MCHR2: variants seen among roughly 807,000 people sequenced by gnomAD.
MCHR2 encodes melanin concentrating hormone receptor 2.
In MCHR2, 15 loss-of-function variants were observed where a neutral mutation model predicts 24.8. The ratio of observed to expected loss-of-function variants is 0.60; its 90% CI spans 0.40 to 0.93. MCHR2 has a LOEUF of 0.93. MCHR2 is among the 40% of genes least tolerant of loss of function. MCHR2 has a pLI of 0.00. For missense variants in MCHR2, 386 were observed against 408.7 expected, an observed-to-expected ratio of 0.94 and a Z score of 0.48; for synonymous variants, 151 against 147.6, an observed-to-expected ratio of 1.02 and a Z score of -0.17.
chr6:99,940,712 G>A (rs1452416469), intron 4 of MCHR2, among the ~76,000 whole-genome samples: 1 of 151,382 alleles, frequency 6.6e-6, no homozygotes, highest in Non-Finnish European at 1.5e-5. Context: ...TCCTGTATTT[G>A]CTTAGAGAGT....
intron 1 of MCHR2, among the ~76,000 whole-genome samples, chr6:99,978,972 G>T (rs2397683): frequency 0.27 from 40,492 of 151,992 alleles, 6,380 homozygotes; most frequent in East Asian, 0.75. Flanking sequence ...GGAATAAGCA[G>T]GTCTTCTGGT....
intron 5 of MCHR2, among the ~76,000 whole-genome samples, chr6:99,923,375 C>A (rs1477083442): frequency 6.6e-6 from 1 of 151,970 alleles, no homozygotes; most frequent in Admixed American, 6.6e-5. Flanking sequence ...ATTCGGATGT[C>A]CTTTATTTCT....
Position 99,929,494 on chromosome 6 carries a change from A to C in MCHR2, c.707+4904T>G, listed in dbSNP as rs561276860. Among the ~76,000 whole-genome samples the C allele has an allele frequency of 3.9e-5, 6 of 152,272 alleles. No individual in the cohort carries two copies. In the South Asian group the frequency reaches 1.2e-3, roughly 32 times the overall value. On this transcript the variant is annotated intron_variant, in intron 5 of 5. Transcript: ENST00000281806. ...GTCTAAGTCTCTTTTTAGGTCACTCAGGACTTGCTTTATGAATCTGGGTGC... is the reference window on the plus strand; with the variant it reads ...GTCTAAGTCTCTTTTTAGGTCACTCCGGACTTGCTTTATGAATCTGGGTGC...
intron 1 of MCHR2, among the ~76,000 whole-genome samples, chr6:99,978,220 G>A (rs1445997448): frequency 6.6e-6 from 1 of 152,102 alleles, no homozygotes; most frequent in Non-Finnish European, 1.5e-5. Context: ...TAATTTAACT[G>A]AGAATGTAGA....
At chr6:99,953,487 T>A (rs1249078703) in intron 2 of MCHR2, among the ~76,000 whole-genome samples, 1 of 152,082 alleles carries the variant, frequency 6.6e-6, no homozygotes, top group Non-Finnish European at 1.5e-5. Flanking sequence ...GGCTATTAAC[T>A]CTCTACTCAG....
At chr6:99,990,169 A>G (rs1428276108) in intron 1 of MCHR2, among the ~76,000 whole-genome samples, 2 of 152,208 alleles carry the variant, frequency 1.3e-5, no homozygotes, top group Non-Finnish European at 2.9e-5. Flanking sequence ...ACAAGGTGGG[A>G]CCCAGGTGAT....
chr6:99,971,056 G>T (rs1444366189), intron 1 of MCHR2, among the ~76,000 whole-genome samples: 1 of 152,074 alleles, frequency 6.6e-6, no homozygotes, highest in Non-Finnish European at 1.5e-5. Flanking sequence ...CTCTTTTTTG[G>T]TTCCATATGA....
chr6:99,972,862 T>G (rs1242674873), intron 1 of MCHR2, among the ~76,000 whole-genome samples: 1 of 152,170 alleles, frequency 6.6e-6, no homozygotes, highest in Non-Finnish European at 1.5e-5. Context: ...TTCCATGTAG[T>G]TGAGTGGTTT....
intron 1 of MCHR2, among the ~76,000 whole-genome samples, chr6:99,967,699 A>G (rs1263476872): frequency 1.3e-5 from 2 of 152,124 alleles, no homozygotes; most frequent in South Asian, 2.1e-4. Context: ...AATGTGCAAA[A>G]TAGCACAATT....
intron 4 of MCHR2, among the ~76,000 whole-genome samples, chr6:99,936,235 T>A (rs1273940719): frequency 6.6e-6 from 1 of 152,092 alleles, no homozygotes; most frequent in Non-Finnish European, 1.5e-5. Context: ...TTGCTTAGGT[T>A]GCCTGTGCTT....
intron 5 of MCHR2, among the ~76,000 whole-genome samples, chr6:99,927,993 G>T (rs1283567462): frequency 6.6e-6 from 1 of 152,188 alleles, no homozygotes; most frequent in East Asian, 1.9e-4. Flanking sequence ...TAGCTCTTAT[G>T]ATTTTGAGAT....
chr6:99,983,713 A>G (rs184888292), intron 1 of MCHR2, among the ~76,000 whole-genome samples: 1 of 142,880 alleles, frequency 7.0e-6, no homozygotes, highest in Admixed American at 7.0e-5. Flanking sequence ...CTTCCTTGAC[A>G]TGATGCTCAC....
chr6:99,952,980 C>T (rs917299277), intron 2 of MCHR2, among the ~76,000 whole-genome samples: 3 of 152,028 alleles, frequency 2.0e-5, no homozygotes, highest in South Asian at 2.1e-4. Flanking sequence ...CCAATTGGTC[C>T]GTACAATGGC....
intron 5 of MCHR2, among the ~76,000 whole-genome samples, chr6:99,926,089 GT>G (rs1774350805): frequency 6.6e-6 from 1 of 151,806 alleles, no homozygotes; most frequent in Non-Finnish European, 1.5e-5. Flanking sequence ...GTGGTGTTTG[GT>G]TTTTTGTCCT....
At chr6:99,977,973 T>C (rs189784867) in intron 1 of MCHR2, among the ~76,000 whole-genome samples, 65 of 152,262 alleles carry the variant, frequency 4.3e-4, no homozygotes, top group Middle Eastern at 6.8e-3. Flanking sequence ...GAATATGAGG[T>C]AAACTCAAAA....
intron 1 of MCHR2, among the ~76,000 whole-genome samples, chr6:99,990,173 A>C (rs2114601335): frequency 6.6e-6 from 1 of 152,356 alleles, no homozygotes; most frequent in Middle Eastern, 3.4e-3. Context: ...GGTGGGACCC[A>C]GGTGATGAGA....
At chr6:99,976,968 C>G (rs1053145920) in intron 1 of MCHR2, among the ~76,000 whole-genome samples, 1 of 152,178 alleles carries the variant, frequency 6.6e-6, no homozygotes, top group African/African-American at 2.4e-5. Flanking sequence ...CTTAGGCGAA[C>G]GGAGGCCAGA....
chr6:99,929,537 A>T (rs532640257), intron 5 of MCHR2, among the ~76,000 whole-genome samples: 2 of 152,208 alleles, frequency 1.3e-5, no homozygotes, highest in South Asian at 4.2e-4. Context: ...TTGGGTGCAT[A>T]TATATTTAGG....
At chr6:99,992,097 G>A (rs1238564839) in intron 1 of MCHR2, among the ~76,000 whole-genome samples, 7 of 152,242 alleles carry the variant, frequency 4.6e-5, no homozygotes, top group Non-Finnish European at 1.0e-4. Flanking sequence ...AGGAAGAGGA[G>A]TCATGTTGGG....
Sources: gnomAD v4.1 joint callset for allele counts (sites outside exome capture counted in the v4.1 genomes callset) on GRCh38, gnomAD v4.1.1 for gene constraint, MANE v1.5 for transcripts, NCBI Gene and HGNC (gene_info 2026-07-23, HGNC 2026-07-21) for gene names.